SETD2: variants seen among roughly 807,000 people sequenced by gnomAD.
SETD2 encodes the protein histone-lysine N-methyltransferase SETD2.
In SETD2, 31 loss-of-function variants were observed where a neutral mutation model predicts 242.1. That is an observed-to-expected ratio of 0.13 (90% confidence interval 0.10 to 0.17). The LOEUF (loss-of-function observed/expected upper bound fraction) is 0.17. Ranked by LOEUF, SETD2 falls within the 10% of genes least tolerant of loss-of-function variation. The pLI is 1.00. For synonymous variants in SETD2, 1,006 were observed against 1,066.5 expected (o/e 0.94, Z 1.11); for missense variants, 2,481 against 3,046.3 (o/e 0.81, Z 4.37).
rs1575811464 is a variant in SETD2, at chr3:47,120,901, A to G, written c.3735T>C (p.His1245=). ...CTTCTGATGAGTGCAAGCCATCCACATGTGGTATCTCACAAGAGGAAGAAA... is the reference window on the plus strand; with the variant it reads ...CTTCTGATGAGTGCAAGCCATCCACGTGTGGTATCTCACAAGAGGAAGAAA... The part of the protein sequence containing the change: ...LSFSSSCEIP[H]VDGLHSSEEL... Residue 1245 remains histidine, a synonymous_variant, in exon 3 of 21, where the codon CAT becomes CAC. Coordinates refer to ENST00000409792, the MANE Select transcript of SETD2 (RefSeq NM_014159.7). 1.9e-6 allele frequency: 3 copies of G among 1,614,092 alleles called. No individual in the cohort carries two copies. The highest frequency in any genetic ancestry group is 1.7e-5 in the Admixed American group (1 of 60,014).
chr3:47,020,644 C>T (rs2038177257), intron 18 of SETD2, among the ~76,000 whole-genome samples: 1 of 152,206 alleles, frequency 6.6e-6, no homozygotes, highest in Non-Finnish European at 1.5e-5. Flanking sequence ...AGCCATCAGG[C>T]CCCTTCCCAG....
chr3:47,154,194 A>G (rs2044069790), intron 1 of SETD2, among the ~76,000 whole-genome samples: 2 of 152,140 alleles, frequency 1.3e-5, no homozygotes, highest in South Asian at 2.1e-4. Flanking sequence ...GCGGATCATG[A>G]GGTCAAAAAA....
At chr3:47,094,231 A>G (rs1440973036) in intron 9 of SETD2, among the ~76,000 whole-genome samples, 2 of 152,210 alleles carry the variant, frequency 1.3e-5, no homozygotes, top group Non-Finnish European at 2.9e-5. Flanking sequence ...TAGTAGGGAC[A>G]TATTATACTT....
At chr3:47,093,580 G>A (rs2041890602) in intron 9 of SETD2, among the ~76,000 whole-genome samples, 1 of 152,014 alleles carries the variant, frequency 6.6e-6, no homozygotes, top group Non-Finnish European at 1.5e-5. Flanking sequence ...CACTGCGCCT[G>A]GCCCATTCTT....
At chr3:47,077,851 A>T (rs899542999) in intron 12 of SETD2, among the ~76,000 whole-genome samples, 1 of 152,228 alleles carries the variant, frequency 6.6e-6, no homozygotes, top group Non-Finnish European at 1.5e-5. Flanking sequence ...AAAAGCCAAC[A>T]TGAAAGGGCT....
chr3:47,017,968 G>A lies in SETD2; in HGVS notation c.7432-229C>T, dbSNP rs912395621. 6.6e-6 allele frequency among the ~76,000 whole-genome samples: 1 copy of A among 152,206 alleles called. No individual in the cohort carries two copies. The highest frequency in any genetic ancestry group is 2.4e-5 in the African/African-American group (1 of 41,454). ...GAGCTCCCCTGGATGGACTAAGCAA[G>A]CCTTAAAGGAGGCTGGAGGGACTCA... is the stretch of plus-strand genomic sequence containing the variant. On this transcript the variant is annotated intron_variant, in intron 19 of 20. Transcript: ENST00000409792. This position sits in a 1 kb window ranked among gnomAD's most constrained non-coding sequence, Gnocchi z 4.8.
rs543719493 is a variant in SETD2, at chr3:47,144,610, T to C, written c.72-17947A>G. Among the ~76,000 whole-genome samples, 5 of 152,160 alleles carry C rather than the reference T, an allele frequency of 3.3e-5. No individual in the cohort carries two copies. The South Asian group carries it at 1.0e-3, about 32-fold the overall frequency. Reference sequence around the variant, plus strand: ...CTGAGCCGAGTTCGCACCACTGCACTCCAGCCTGGTGACAGAGCGAGACTC... The same window carrying C: ...CTGAGCCGAGTTCGCACCACTGCACCCCAGCCTGGTGACAGAGCGAGACTC... On this transcript the variant is annotated intron_variant, in intron 1 of 20. Coordinates refer to ENST00000409792, the MANE Select transcript of SETD2 (RefSeq NM_014159.7).
intron 16 of SETD2, among the ~76,000 whole-genome samples, chr3:47,045,012 G>T (rs2107545513): frequency 6.6e-6 from 1 of 152,310 alleles, no homozygotes. Flanking sequence ...TCTGAAATGT[G>T]AAATACTTCT....
chr3:47,118,248 A>G (rs1002963252), intron 3 of SETD2, among the ~76,000 whole-genome samples: 2 of 152,250 alleles, frequency 1.3e-5, no homozygotes, highest in African/African-American at 4.8e-5. Flanking sequence ...AATCAGCAGC[A>G]GCTTTATTTT....
intron 12 of SETD2, among the ~76,000 whole-genome samples, chr3:47,080,039 T>C (rs2041256999): frequency 1.3e-5 from 2 of 152,224 alleles, no homozygotes; most frequent in Admixed American, 6.5e-5. Flanking sequence ...CATAATTTCA[T>C]TTTCAAATGT....
chr3:47,046,799 T>C, intron 15 of SETD2, 178 bp from the exon 16 acceptor site: 1 of 415,154 alleles, frequency 2.4e-6, no homozygotes, highest in Non-Finnish European at 4.1e-6. Flanking sequence ...AGTTTCTTTT[T>C]TTACTAATTC....
At chr3:47,063,752 AG>A (rs2040438907) in intron 13 of SETD2, among the ~76,000 whole-genome samples, 1 of 152,146 alleles carries the variant, frequency 6.6e-6, no homozygotes, top group Admixed American at 6.5e-5. Flanking sequence ...TGGGAGGCCA[AG>A]GCGGGCAGAT....
intron 5 of SETD2, among the ~76,000 whole-genome samples, chr3:47,106,493 TAAAAAAAAAAAAAAAAA>T (rs766455577): frequency 0.069 from 3,991 of 57,456 alleles, 306 homozygotes; most frequent in East Asian, 0.29. Context: ...ATTTTTGCTC[TAAAAAAAAAAAAAAAAA>T]AAAAAAAAAA....
chr3:47,104,203 A>C (rs929035275), intron 6 of SETD2, among the ~76,000 whole-genome samples: 1 of 152,040 alleles, frequency 6.6e-6, no homozygotes, highest in African/African-American at 2.4e-5. Flanking sequence ...AAAAATGTAA[A>C]GCGATGCAAC....
intron 17 of SETD2, among the ~76,000 whole-genome samples, chr3:47,039,773 C>T (rs2039192360): frequency 7.0e-6 from 1 of 143,838 alleles, no homozygotes; most frequent in Non-Finnish European, 1.5e-5. Flanking sequence ...CCCTGCTAGT[C>T]AGGAAGCTGA....
At position 47,121,859 on chromosome 3, in the gene SETD2, T is replaced by C. The variant is rs1449614494; in HGVS notation, c.2777A>G (p.Lys926Arg). The stretch of plus-strand genomic sequence containing the variant: ...ACTACCTACTTCTACTATTGTTTCT[T>C]TCCCTGCATGCTTTAAAAACTCTGA... ...KSSEFLKHAG[K>R]ETIVEVGSDL... Residue 926 changes from lysine to arginine, a missense_variant, in exon 3 of 21, where the codon AAA (lysine) becomes AGA (arginine). Physicochemically the swap from Lys to Arg is conservative, Grantham distance 26. This residue lies in a region of SETD2 where 1,300 missense variants were observed against 1,259.2 expected (regional missense o/e 1.03). Transcript: ENST00000409792. The C allele has an allele frequency of 1.9e-6, 3 of 1,614,078 alleles. No homozygotes were observed.
At position 47,016,787 on chromosome 3, in the gene SETD2, G is replaced by A. The variant is rs2038000762; in HGVS notation, c.*306C>T. 2 of 374,214 alleles carry A rather than the reference G, an allele frequency of 5.3e-6. No homozygotes were observed. Among genetic ancestry groups the A allele is most frequent in the Non-Finnish European group, 9.8e-6 (2 of 204,834 alleles). 23.2% of individuals were successfully genotyped at this position (374,214 alleles called of 1,614,324 possible). ...GGTGGGGATGCGCATGGGTCTGTGCGCTGACAGCACCGCCAAGGAGAAGAC... is the reference window on the plus strand; with the variant it reads ...GGTGGGGATGCGCATGGGTCTGTGCACTGACAGCACCGCCAAGGAGAAGAC... On this transcript the variant is annotated 3_prime_UTR_variant, in exon 21 of 21. Coordinates refer to ENST00000409792, the MANE Select transcript of SETD2 (RefSeq NM_014159.7).
chr3:47,131,463 C>T (rs1012328853), intron 1 of SETD2, among the ~76,000 whole-genome samples: 67 of 152,226 alleles, frequency 4.4e-4, no homozygotes, highest in Middle Eastern at 3.4e-3. Flanking sequence ...CCTGCCTCAG[C>T]CTCCCGAGTA....
At chr3:47,151,692 T>C (rs1303303475) in intron 1 of SETD2, among the ~76,000 whole-genome samples, 1 of 151,858 alleles carries the variant, frequency 6.6e-6, no homozygotes, top group Non-Finnish European at 1.5e-5. Context: ...CCGGGCGTGG[T>C]GGTACGCGCC....
Sources: gnomAD v4.1 joint callset for allele counts (sites outside exome capture counted in the v4.1 genomes callset) on GRCh38, gnomAD v4.1.1 for gene constraint, gnomAD v4.1.1 regional missense constraint, Gnocchi (gnomAD v3.1) non-coding constraint, MANE v1.5 for transcripts, NCBI Gene and HGNC (gene_info 2026-07-23, HGNC 2026-07-21) for gene names.